PCDHGB3: variants seen among roughly 807,000 people sequenced by gnomAD.
PCDHGB3 encodes protocadherin gamma subfamily B, 3.
A neutral mutation model predicts 59.2 loss-of-function variants in PCDHGB3; 40 were observed. The observed-to-expected ratio is 0.68, with a 90% CI of 0.52 to 0.88. The LOEUF is 0.88. Ranked by LOEUF, PCDHGB3 falls within the 40% of genes least tolerant of loss-of-function variation. PCDHGB3 has a pLI of 0.00. For missense variants in PCDHGB3, 1,309 were observed against 1,187.9 expected (o/e 1.10, Z -1.50); for synonymous variants, 581 against 503.6 (o/e 1.15, Z -2.06).
In PCDHGB3 at chr5:141,445,037, GT is replaced by G. The variant is rs2098454887; in HGVS notation, c.2416-49766del. 5.3e-5 allele frequency among the ~76,000 whole-genome samples: 8 copies of G among 152,072 alleles called. No homozygotes were observed. In the South Asian group the frequency reaches 1.7e-3, roughly 32 times the overall value. On this transcript the variant is annotated intron_variant, in intron 1 of 3. Transcript: ENST00000576222. ...TAATTTCTCTCAGCTATGTTGTATAGTTTTCAGTGTAGAGAGGTCATGTATA... is the reference window on the plus strand; with the variant it reads ...TAATTTCTCTCAGCTATGTTGTATAGTTTCAGTGTAGAGAGGTCATGTATA...
chr5:141,423,273 G>C, intron 1 of PCDHGB3: 2 of 1,613,896 alleles, frequency 1.2e-6, no homozygotes, highest in Non-Finnish European at 1.7e-6. Flanking sequence ...TCGAGTCTCT[G>C]GCTAACTCTG....
rs762801084 is a variant in PCDHGB3, at chr5:141,389,853, A to T, written c.2415+17044A>T. 5 of 1,614,050 alleles carry T rather than the reference A, an allele frequency of 3.1e-6. No homozygotes were observed. In the South Asian group the frequency reaches 5.5e-5, roughly 18 times the overall value. On this transcript the variant is annotated intron_variant, in intron 1 of 3. Transcript: ENST00000576222. The stretch of plus-strand genomic sequence containing the variant: ...ACAGCCACCACTCTCGGCCACTGCC[A>T]CGTTGCACCTGGTCTTCGCCGACAG...
chr5:141,432,874 G>A lies in PCDHGB3; in HGVS notation c.2415+60065G>A, dbSNP rs2097545539. 2 of 1,614,176 alleles carry A rather than the reference G, an allele frequency of 1.2e-6. No homozygotes were observed. The highest frequency in any genetic ancestry group is 1.7e-6 in the Non-Finnish European group (2 of 1,180,014). Reference sequence around the variant, plus strand: ...TGGCCGCGGTCTCCTGCGTCTTCCTGGCCTTCGTCATCTTGCTGCTGGCGC... The same window carrying A: ...TGGCCGCGGTCTCCTGCGTCTTCCTAGCCTTCGTCATCTTGCTGCTGGCGC... On this transcript the variant is annotated intron_variant, in intron 1 of 3. Transcript: ENST00000576222. This position sits in a 1 kb window ranked among gnomAD's most constrained non-coding sequence, Gnocchi z 6.0.
At chr5:141,504,065 G>C (rs1291060280) in intron 2 of PCDHGB3, among the ~76,000 whole-genome samples, 2 of 152,060 alleles carry the variant, frequency 1.3e-5, no homozygotes, top group African/African-American at 2.4e-5. Context: ...AAACTTCTCT[G>C]AGCCAGATGG....
Position 141,489,623 on chromosome 5 carries a change from A to T in PCDHGB3, c.2416-5184A>T, listed in dbSNP as rs924162827. On this transcript the variant is annotated intron_variant, in intron 1 of 3. Coordinates refer to ENST00000576222, the MANE Select transcript of PCDHGB3 (RefSeq NM_018924.5). This position sits in a 1 kb window ranked among gnomAD's most constrained non-coding sequence, Gnocchi z 4.5. ...GAGGTAGAGATCCTGGATCTCAATG[A>T]CAACTCTCCTAGCTTTGCCACCCCT... is the stretch of plus-strand genomic sequence containing the variant. The T allele has an allele frequency of 6.2e-7, 1 of 1,614,102 alleles. No homozygotes were observed. Among genetic ancestry groups the T allele is most frequent in the Non-Finnish European group, 8.5e-7 (1 of 1,179,996 alleles).
At chr5:141,395,222 AG>A (rs2093199234) in intron 1 of PCDHGB3, 1 of 1,611,488 alleles carries the variant, frequency 6.2e-7, no homozygotes, top group African/African-American at 1.3e-5. Context: ...ATAAGAATGA[AG>A]CTGATCATGG....
At chr5:141,502,488 T>A (rs1273845698) in intron 2 of PCDHGB3, among the ~76,000 whole-genome samples, 1 of 152,236 alleles carries the variant, frequency 6.6e-6, no homozygotes, top group Non-Finnish European at 1.5e-5. Context: ...ACACTGGGAC[T>A]CATCTAACGT....
In PCDHGB3 at chr5:141,485,770, T is replaced by A. The variant is rs1199757869; in HGVS notation, c.2416-9037T>A. The A allele has an allele frequency of 6.2e-7, 1 of 1,614,180 alleles. No homozygotes were observed. The highest frequency in any genetic ancestry group is 1.1e-5 in the South Asian group (1 of 91,080). On this transcript the variant is annotated intron_variant, in intron 1 of 3. Transcript: ENST00000576222. This position sits in a 1 kb window ranked among gnomAD's most constrained non-coding sequence, Gnocchi z 5.7. ...TCCCAGAGCTGCTCCTGGAGAAGCC[T>A]TTGGATCGAGAGAAGCAATCGGACT... is the stretch of plus-strand genomic sequence containing the variant.
chr5:141,460,470 A>T (rs2098990057), intron 1 of PCDHGB3, among the ~76,000 whole-genome samples: 1 of 152,110 alleles, frequency 6.6e-6, no homozygotes, highest in South Asian at 2.1e-4. Flanking sequence ...TTTCCAAAGG[A>T]ATATCCAATT....
intron 1 of PCDHGB3, among the ~76,000 whole-genome samples, chr5:141,444,400 A>G (rs1400847351): frequency 1.3e-5 from 2 of 151,536 alleles, no homozygotes; most frequent in Admixed American, 6.6e-5. Flanking sequence ...TGAACTCCCA[A>G]CCTCAGGTGA....
At chr5:141,505,563 T>C in intron 3 of PCDHGB3, 82 bp downstream of exon 3, 1 of 1,603,814 alleles carries the variant, frequency 6.2e-7, no homozygotes, top group Non-Finnish European at 8.5e-7. Flanking sequence ...GCCCACGGAC[T>C]GGATGTCAAA....
At chr5:141,394,384 A>G (rs1379369009) in intron 1 of PCDHGB3, 2 of 1,614,114 alleles carry the variant, frequency 1.2e-6, no homozygotes, top group African/African-American at 2.7e-5. Flanking sequence ...GACTATGAGC[A>G]GATCCGAGAC....
chr5:141,373,498 G>A (rs1282997273), intron 1 of PCDHGB3, among the ~76,000 whole-genome samples: 2 of 152,206 alleles, frequency 1.3e-5, no homozygotes, highest in Non-Finnish European at 2.9e-5. Flanking sequence ...ACTCTAGCCT[G>A]GGAGACAGAG....
At chr5:141,412,286 G>A (rs150947924) in intron 1 of PCDHGB3, 104 of 152,170 alleles carry the variant, frequency 6.8e-4, no homozygotes, top group African/African-American at 2.3e-3. Flanking sequence ...CAAATTCTAC[G>A]TATTTCTTTT....
intron 1 of PCDHGB3, among the ~76,000 whole-genome samples, chr5:141,448,877 G>A (rs1421211206): frequency 6.6e-6 from 1 of 152,112 alleles, no homozygotes; most frequent in African/African-American, 2.4e-5. Flanking sequence ...CCTGGGAGGC[G>A]GAGCTTGCAG....
intron 1 of PCDHGB3, chr5:141,412,044 A>T (rs1403784619): frequency 6.6e-6 from 1 of 152,194 alleles, no homozygotes; most frequent in East Asian, 1.9e-4. Context: ...AAAGAAGTGA[A>T]CTTCTATACC....
chr5:141,395,655 A>G (rs1302159911), intron 1 of PCDHGB3: 1 of 164,294 alleles, frequency 6.1e-6, no homozygotes, highest in East Asian at 1.8e-4. Context: ...GCTTAGCAAA[A>G]GTAAAATATA....
At chr5:141,389,438 C>G in intron 1 of PCDHGB3, 1 of 1,610,592 alleles carries the variant, frequency 6.2e-7, no homozygotes, top group East Asian at 2.2e-5. Context: ...AGCGCGCCTT[C>G]GACCACGAGC....
intron 1 of PCDHGB3, chr5:141,390,129 T>G (rs1194598931): frequency 6.2e-7 from 1 of 1,613,936 alleles, no homozygotes; most frequent in Non-Finnish European, 8.5e-7. Flanking sequence ...TTTGCCTTAT[T>G]CCTACAATCT....
Sources: allele counts gnomAD v4.1 joint callset (sites outside exome capture counted in the v4.1 genomes callset), GRCh38; gene constraint gnomAD v4.1.1; non-coding constraint Gnocchi (gnomAD v3.1); transcripts MANE v1.5; gene names NCBI Gene and HGNC (gene_info 2026-07-23, HGNC 2026-07-21).